CUL3: variants seen among roughly 807,000 people sequenced by gnomAD.
CUL3 encodes the protein cullin-3.
Under a neutral mutation model 89.1 loss-of-function variants are expected in CUL3, and 19 were observed. That is an observed-to-expected ratio of 0.21 (90% CI 0.15 to 0.31). The LOEUF is 0.31. Ranked by LOEUF, CUL3 falls within the 10% of genes least tolerant of loss-of-function variation. The pLI, the probability that CUL3 is intolerant of heterozygous loss-of-function variation, is 1.00. For synonymous variants in CUL3, 351 were observed against 308.4 expected, an observed-to-expected ratio of 1.14 and a Z score of -1.45; for missense variants, 469 against 942.3, an observed-to-expected ratio of 0.50 and a Z score of 6.58.
intron 3 of CUL3, among the ~76,000 whole-genome samples, chr2:224,524,602 T>C (rs374741849): frequency 2.0e-5 from 3 of 152,162 alleles, no homozygotes; most frequent in African/African-American, 4.8e-5. Flanking sequence ...AAAGGCAAAC[T>C]GTTAACAGAC....
chr2:224,486,615 A>G (rs1046215059), intron 13 of CUL3, among the ~76,000 whole-genome samples: 1 of 152,198 alleles, frequency 6.6e-6, no homozygotes, highest in Non-Finnish European at 1.5e-5. Context: ...ATATGGGACT[A>G]TGTGAAAAGA....
intron 2 of CUL3, among the ~76,000 whole-genome samples, chr2:224,539,207 T>A (rs1694004423): frequency 6.6e-6 from 1 of 152,158 alleles, no homozygotes; most frequent in Non-Finnish European, 1.5e-5. Flanking sequence ...CAAGTAAGCA[T>A]TTGAGGAGAT....
chr2:224,547,971 G>A (rs1003133931), intron 2 of CUL3, among the ~76,000 whole-genome samples: 4 of 152,032 alleles, frequency 2.6e-5, no homozygotes, highest in African/African-American at 9.7e-5. Context: ...TAGAAATAGG[G>A]AGAAAAATAT....
chr2:224,558,870 AATAT>A (rs77619549), intron 1 of CUL3, among the ~76,000 whole-genome samples: 1 of 10,910 alleles, frequency 9.2e-5, no homozygotes, highest in African/African-American at 1.6e-3. Context: ...GTCTCTACTA[AATAT>A]ACAAAAAATA....
Position 224,497,735 on chromosome 2 carries a change from C to G in CUL3, c.1707+18G>C. 2.5e-6 allele frequency: 4 copies of G among 1,579,586 alleles called. No homozygotes were observed. The African/African-American group carries it at 4.0e-5, about 16-fold the overall frequency. ...CTAACTTTAAGTTACTTAATACGTTCAAACTATCAATATTTACCTTTTTAA... is the reference window on the plus strand; with the variant it reads ...CTAACTTTAAGTTACTTAATACGTTGAAACTATCAATATTTACCTTTTTAA... On this transcript the variant is annotated intron_variant, in intron 12 of 15. Coordinates refer to ENST00000264414, the MANE Select transcript of CUL3 (RefSeq NM_003590.5).
rs556914502 is a variant in CUL3 at position 224,471,973 on chromosome 2, A to G, written c.*2272T>C. The G allele has an allele frequency of 1.1e-3, 250 of 231,192 alleles. No homozygotes were observed. Among genetic ancestry groups the G allele is most frequent in the Admixed American group, 5.4e-3 (96 of 17,740 alleles). The allele number at this position is 231,192 out of a possible 1,614,324, so 14.3% of individuals were successfully genotyped here. A position where few individuals can be genotyped will look rare whatever the true frequency, so the allele number is the denominator to read the frequency against. ...GCATTAAAAACTGAGAAAAAATAGC[A>G]TCTGTGACCTCTTGCTAAAAAGAAA... On this transcript the variant is annotated 3_prime_UTR_variant, in exon 16 of 16. Coordinates refer to ENST00000264414, the MANE Select transcript of CUL3 (RefSeq NM_003590.5).
intron 6 of CUL3, among the ~76,000 whole-genome samples, chr2:224,508,052 A>C (rs1044876437): frequency 5.3e-5 from 8 of 152,108 alleles, no homozygotes; most frequent in African/African-American, 1.9e-4. Flanking sequence ...CTATGTTTCA[A>C]ATAAAACTTC....
At chr2:224,574,086 G>A (rs1336186773) in intron 1 of CUL3, among the ~76,000 whole-genome samples, 1 of 152,216 alleles carries the variant, frequency 6.6e-6, no homozygotes, top group Non-Finnish European at 1.5e-5. Context: ...ACACATATGT[G>A]AAGGAATTCC....
chr2:224,584,992 T>A lies in CUL3; in HGVS notation c.18A>T (p.Lys6Asn). MSNLS[K>N]GTGSRKDTKM... The stretch of plus-strand genomic sequence containing the variant: ...TGGTGTCCTTCCGGCTGCCCGTGCC[T>A]TTGCTCAGATTCGACATGGTGCTCG... Residue 6 changes from lysine to asparagine, a missense_variant, in exon 1 of 16, where the codon AAA (lysine) becomes AAT (asparagine). By Grantham distance (94) the Lys-to-Asn change is moderately conservative. This residue lies in a region of CUL3 where 32 missense variants were observed against 29.7 expected (regional missense o/e 1.08). Transcript: ENST00000264414. 6.6e-7 allele frequency: 1 copy of A among 1,509,408 alleles called. No homozygotes were observed. The highest frequency in any genetic ancestry group is 8.9e-7 in the Non-Finnish European group (1 of 1,117,800). The allele number at this position is 1,509,408 out of a possible 1,614,324, so 93.5% of individuals were successfully genotyped here. A position where few individuals can be genotyped will look rare whatever the true frequency, so the allele number is the denominator to read the frequency against.
At chr2:224,513,709 G>C in intron 4 of CUL3, 71 bp from the exon 5 acceptor site, 1 of 1,090,778 alleles carries the variant, frequency 9.2e-7, no homozygotes, top group Non-Finnish European at 1.3e-6. Context: ...TTACAAAAAG[G>C]AGTAGGTAAA....
intron 3 of CUL3, chr2:224,533,168 A>G (rs1254494410): frequency 6.6e-6 from 1 of 152,226 alleles, no homozygotes; most frequent in African/African-American, 2.4e-5. Flanking sequence ...ACAGTGAAAC[A>G]GTGGCATCAA....
At chr2:224,534,939 T>C (rs1376669677) in intron 3 of CUL3, among the ~76,000 whole-genome samples, 1 of 151,350 alleles carries the variant, frequency 6.6e-6, no homozygotes, top group Admixed American at 6.6e-5. Flanking sequence ...AGGCAGAGCT[T>C]GCAGTGAGCC....
At chr2:224,496,461 A>C (rs1417710966) in intron 12 of CUL3, among the ~76,000 whole-genome samples, 1 of 152,254 alleles carries the variant, frequency 6.6e-6, no homozygotes, top group Non-Finnish European at 1.5e-5. Context: ...ACACACAAAC[A>C]GTATTTAGGA....
chr2:224,522,354 A>C (rs1693300009), intron 3 of CUL3, among the ~76,000 whole-genome samples: 1 of 152,210 alleles, frequency 6.6e-6, no homozygotes, highest in African/African-American at 2.4e-5. Context: ...TCGAAGTTTA[A>C]AGAACTTTCT....
rs2106220444 is a variant in CUL3, at chr2:224,513,524, C to A, written c.654G>T (p.Gln218His). ...PFLEMSAEFFQMESQKFLAEN... is the reference protein window; with the variant it reads ...PFLEMSAEFFHMESQKFLAEN... ...ATTTATTTACATTTTCACGGATTAC[C>A]TGAAAAAATTCTGCAGACATTTCCA... The change falls in exon 5 of 16, where the codon CAG (glutamine) becomes CAT (histidine). Residue 218 changes from glutamine (Q) to histidine (H), a missense_variant and splice_region_variant. Physicochemically the swap from Gln to His is conservative, Grantham distance 24 (BLOSUM62 0). Coordinates refer to ENST00000264414, the MANE Select transcript of CUL3 (RefSeq NM_003590.5). 6.6e-7 allele frequency: 1 copy of A among 1,519,870 alleles called. No homozygotes were observed. Among genetic ancestry groups the A allele is most frequent in the South Asian group, 1.2e-5 (1 of 83,578 alleles). The allele number at this position is 1,519,870 out of a possible 1,614,324, so 94.1% of individuals were successfully genotyped here.
At chr2:224,516,298 C>T (rs1198672056) in intron 3 of CUL3, among the ~76,000 whole-genome samples, 8 of 150,770 alleles carry the variant, frequency 5.3e-5, no homozygotes, top group Admixed American at 3.3e-4. Flanking sequence ...CCTCTGACCA[C>T]GTCCCTCCTT....
In CUL3 at chr2:224,530,233, C is replaced by T. The variant is rs139831168; in HGVS notation, c.378+5295G>A. 1.6e-4 allele frequency among the ~76,000 whole-genome samples: 24 copies of T among 151,966 alleles called. No individual in the cohort carries two copies. In the East Asian group the frequency reaches 2.7e-3, roughly 17 times the overall value. ...CAGCCTGGGCAACAGAGTGAGACTCCGTCTCAAAAAAACAAAACAAAACAA... is the reference window on the plus strand; with the variant it reads ...CAGCCTGGGCAACAGAGTGAGACTCTGTCTCAAAAAAACAAAACAAAACAA... On this transcript the variant is annotated intron_variant, in intron 3 of 15. Coordinates refer to ENST00000264414, the MANE Select transcript of CUL3 (RefSeq NM_003590.5).
At chr2:224,488,257 G>A (rs1691816387) in intron 13 of CUL3, among the ~76,000 whole-genome samples, 1 of 148,842 alleles carries the variant, frequency 6.7e-6, no homozygotes, top group Admixed American at 6.7e-5. Flanking sequence ...AACTGAAGGA[G>A]ATAAGAGAAA....
intron 10 of CUL3, among the ~76,000 whole-genome samples, chr2:224,502,172 A>T (rs1329778895): frequency 6.6e-6 from 1 of 152,208 alleles, no homozygotes; most frequent in African/African-American, 2.4e-5. Flanking sequence ...GGTTTGCGAG[A>T]CTATAAGGCC....
Sources: gnomAD v4.1 joint callset for allele counts (sites outside exome capture counted in the v4.1 genomes callset) on GRCh38, gnomAD v4.1.1 for gene constraint, gnomAD v4.1.1 regional missense constraint, MANE v1.5 for transcripts, NCBI Gene and HGNC (gene_info 2026-07-23, HGNC 2026-07-21) for gene names.